TMEM132C: variants seen among roughly 807,000 people sequenced by gnomAD.
The protein encoded by TMEM132C is transmembrane protein 132C.
A neutral mutation model predicts 61.4 loss-of-function variants in TMEM132C; 29 were observed. That is an observed-to-expected ratio of 0.47 (90% confidence interval 0.35 to 0.64). The LOEUF is 0.64. TMEM132C is among the 30% of genes least tolerant of loss of function. The pLI is 0.00. For missense variants in TMEM132C, 1,408 were observed against 1,476.9 expected (o/e 0.95, Z 0.76); for synonymous variants, 656 against 633.1 (o/e 1.04, Z -0.54).
At chr12:128,506,545 G>A (rs1338493267) in intron 2 of TMEM132C, among the ~76,000 whole-genome samples, 1 of 152,184 alleles carries the variant, frequency 6.6e-6, no homozygotes, top group Non-Finnish European at 1.5e-5. Context: ...AGAAGTGTAT[G>A]TGGGTCATCC....
At chr12:128,555,707 CCTAA>C (rs1874310571) in intron 3 of TMEM132C, among the ~76,000 whole-genome samples, 1 of 150,178 alleles carries the variant, frequency 6.7e-6, no homozygotes, top group South Asian at 2.1e-4. Context: ...ATTGTTGTTG[CCTAA>C]CTTTTTTTTT....
chr12:128,692,844 TTTA>T (rs1357608630), intron 5 of TMEM132C, among the ~76,000 whole-genome samples: 1 of 152,206 alleles, frequency 6.6e-6, no homozygotes, highest in Non-Finnish European at 1.5e-5. Flanking sequence ...ACTTGCAACC[TTTA>T]TTTTTTTAGT....
At chr12:128,321,156 T>A (rs891912816) in intron 1 of TMEM132C, among the ~76,000 whole-genome samples, 10 of 148,390 alleles carry the variant, frequency 6.7e-5, no homozygotes, top group African/African-American at 2.2e-4. Flanking sequence ...ATAATAATAA[T>A]AATAATAATA....
intron 4 of TMEM132C, among the ~76,000 whole-genome samples, chr12:128,624,161 G>A (rs914755442): frequency 2.0e-5 from 3 of 152,198 alleles, no homozygotes; most frequent in African/African-American, 7.2e-5. Context: ...CAGCCTGACT[G>A]TGTTGGGGTG....
chr12:128,434,593 A>G (rs1869511030), intron 2 of TMEM132C, among the ~76,000 whole-genome samples: 1 of 150,094 alleles, frequency 6.7e-6, no homozygotes, highest in Admixed American at 6.7e-5. Context: ...TGGCCTGGAT[A>G]ATTTATATTT....
intron 1 of TMEM132C, among the ~76,000 whole-genome samples, chr12:128,413,780 G>T (rs1868652982): frequency 6.6e-6 from 1 of 151,946 alleles, no homozygotes; most frequent in South Asian, 2.1e-4. Context: ...TATATGTGTT[G>T]CAAATATTTA....
intron 1 of TMEM132C, among the ~76,000 whole-genome samples, chr12:128,413,305 A>AAAT (rs2136019901): frequency 6.6e-6 from 1 of 150,390 alleles, no homozygotes; most frequent in African/African-American, 2.4e-5. Flanking sequence ...TCTCAAAAAA[A>AAAT]AAAAAAAAAA....
At chr12:128,684,420 A>G (rs1954658587) in intron 5 of TMEM132C, among the ~76,000 whole-genome samples, 2 of 152,222 alleles carry the variant, frequency 1.3e-5, no homozygotes, top group Admixed American at 6.5e-5. Flanking sequence ...ATTGTGAGAA[A>G]GTATGACTTT....
chr12:128,590,704 G>A (rs1875721720), intron 3 of TMEM132C, among the ~76,000 whole-genome samples: 1 of 152,214 alleles, frequency 6.6e-6, no homozygotes, highest in Non-Finnish European at 1.5e-5. Flanking sequence ...CCAGGGGCAA[G>A]GGGTGTAGAC....
At position 128,335,340 on chromosome 12, in the gene TMEM132C, T is replaced by C. The variant is rs77129656; in HGVS notation, c.85+67853T>C. ...TTATCAACCTCGTAATAAATAACTG[T>C]AAATTTGCGTTTATGCAATAAAGGT... On this transcript the variant is annotated intron_variant, in intron 1 of 8. Transcript: ENST00000435159. Among the ~76,000 whole-genome samples, 54 of 152,376 alleles carry C rather than the reference T, an allele frequency of 3.5e-4. No homozygotes were observed. In the East Asian group the frequency reaches 8.5e-3, roughly 24 times the overall value.
At chr12:128,555,494 G>A (rs887060830) in intron 3 of TMEM132C, among the ~76,000 whole-genome samples, 2 of 152,102 alleles carry the variant, frequency 1.3e-5, no homozygotes, top group African/African-American at 4.8e-5. Flanking sequence ...AGTTAAAAAC[G>A]TCTCCCACTC....
chr12:128,430,291 A>G (rs909287987), intron 2 of TMEM132C, among the ~76,000 whole-genome samples: 3 of 152,202 alleles, frequency 2.0e-5, no homozygotes, highest in African/African-American at 7.2e-5. Context: ...ATTGGATACC[A>G]TAGCACAAAT....
In TMEM132C at chr12:128,452,580, G is replaced by T. The variant is rs574298925; in HGVS notation, c.974+36960G>T. 5.6e-3 allele frequency among the ~76,000 whole-genome samples: 843 copies of T among 151,018 alleles called. 3 individuals carry two copies. The highest frequency in any genetic ancestry group is 6.8e-3 in the Non-Finnish European group (462 of 67,722). On this transcript the variant is annotated intron_variant, in intron 2 of 8. Coordinates refer to ENST00000435159, the MANE Select transcript of TMEM132C (RefSeq NM_001136103.3). ...CCTCTCGTCGCAGCTGCTGTTGGTG[G>T]GGGGGTTGTAGGGGGCCGGGTGCTG...
chr12:128,586,461 A>G (rs1320123072), intron 3 of TMEM132C, among the ~76,000 whole-genome samples: 1 of 152,006 alleles, frequency 6.6e-6, no homozygotes, highest in African/African-American at 2.4e-5. Flanking sequence ...TTGCAAGACT[A>G]GAATTCTCCT....
At chr12:128,532,667 A>AAAAAG (rs1873361455) in intron 2 of TMEM132C, among the ~76,000 whole-genome samples, 1 of 143,770 alleles carries the variant, frequency 7.0e-6, no homozygotes, top group African/African-American at 2.6e-5. Context: ...AAAAAAAAAA[A>AAAAAG]GAGCAGTAGC....
At chr12:128,587,879 C>T (rs540928318) in intron 3 of TMEM132C, among the ~76,000 whole-genome samples, 15 of 152,222 alleles carry the variant, frequency 9.9e-5, no homozygotes, top group African/African-American at 3.4e-4. Context: ...ATAGTTACCT[C>T]GAATGAGGAA....
At chr12:128,523,173 A>G (rs12304585) in intron 2 of TMEM132C, among the ~76,000 whole-genome samples, 17,849 of 152,212 alleles carry the variant, frequency 0.12, 1,125 homozygotes, top group South Asian at 0.18. Context: ...AAGAACAAAT[A>G]CTGTAGGGTT....
chr12:128,382,120 T>C (rs950888558), intron 1 of TMEM132C, among the ~76,000 whole-genome samples: 3 of 151,958 alleles, frequency 2.0e-5, no homozygotes, highest in Admixed American at 2.0e-4. Context: ...AGCCACCCAC[T>C]GCCGCTCTGT....
intron 2 of TMEM132C, among the ~76,000 whole-genome samples, chr12:128,506,978 A>C (rs1383059273): frequency 1.3e-5 from 2 of 152,098 alleles, no homozygotes; most frequent in Middle Eastern, 3.2e-3. Context: ...CACTTTTCCT[A>C]CCACCCCAGG....
Sources: gnomAD v4.1 joint callset for allele counts (sites outside exome capture counted in the v4.1 genomes callset) on GRCh38, gnomAD v4.1.1 for gene constraint, MANE v1.5 for transcripts, NCBI Gene and HGNC (gene_info 2026-07-23, HGNC 2026-07-21) for gene names.